TRAK1: variants seen among roughly 807,000 people sequenced by gnomAD.
TRAK1 encodes the protein trafficking kinesin protein 1.
TRAK1 carries 33 observed loss-of-function variants against 92.1 expected under a neutral mutation model. The ratio of observed to expected loss-of-function variants is 0.36; its 90% CI spans 0.27 to 0.48. The LOEUF (loss-of-function observed/expected upper bound fraction) is 0.48, where lower values mean the gene tolerates loss of function less well. TRAK1 is among the 20% of genes least tolerant of loss of function. The pLI is 0.99. For synonymous variants in TRAK1, 521 were observed against 517.3 expected (o/e 1.01, Z -0.10); for missense variants, 1,123 against 1,257.9 (o/e 0.89, Z 1.62).
chr3:42,182,451 C>T (rs1174993240), intron 3 of TRAK1, among the ~76,000 whole-genome samples: 1 of 152,108 alleles, frequency 6.6e-6, no homozygotes, highest in Admixed American at 6.5e-5. Context: ...CGCCACCACA[C>T]CCAGCCAATT....
In TRAK1 at chr3:42,188,048, T is replaced by C. The variant is rs1705157788; in HGVS notation, c.484T>C (p.Ser162Pro). ...TGGGCCTGCTCTGCTTGTGCAGGTG[T>C]CTCAGCTCCGGCATGAGCTGTCCAT... ...EQVEHIREEV[S>P]QLRHELSMKD... The change falls in exon 5 of 16, where the codon TCT becomes CCT. Residue 162 changes from serine (S) to proline (P), a missense_variant. This residue lies in a region of TRAK1 where 686 missense variants were observed against 747.6 expected (regional missense o/e 0.92). Coordinates refer to ENST00000327628, the MANE Select transcript of TRAK1 (RefSeq NM_001042646.3). 1 of 1,613,914 alleles carries C rather than the reference T, an allele frequency of 6.2e-7. No individual in the cohort carries two copies. The highest frequency in any genetic ancestry group is 1.3e-5 in the African/African-American group (1 of 75,038).
intron 1 of TRAK1, among the ~76,000 whole-genome samples, chr3:42,069,179 A>T (rs928928254): frequency 6.6e-6 from 1 of 152,104 alleles, no homozygotes; most frequent in Non-Finnish European, 1.5e-5. Flanking sequence ...ACACACACAC[A>T]CAATTAGCTG....
In TRAK1 at chr3:42,116,256, G is replaced by C. The variant is rs182808811; in HGVS notation, c.92-9164G>C. Among the ~76,000 whole-genome samples, 151 of 152,342 alleles carry C rather than the reference G, an allele frequency of 9.9e-4. 1 individual carries two copies. The highest frequency in any genetic ancestry group is 2.1e-3 in the South Asian group (10 of 4,826). On this transcript the variant is annotated intron_variant, in intron 1 of 15. Transcript: ENST00000327628. ...TCTGTGACATTTGGCCACCTCCTCA[G>C]CTTGAACACAGTGTCCTTTTCCATT...
At chr3:42,218,145 A>C (rs948267927) in intron 14 of TRAK1, 1 of 985,012 alleles carries the variant, frequency 1.0e-6, no homozygotes, top group Non-Finnish European at 1.2e-6. Context: ...TGTACTCTGG[A>C]TTTGTCCTGC....
chr3:42,080,657 T>C (rs953740173), intron 1 of TRAK1, among the ~76,000 whole-genome samples: 2 of 152,178 alleles, frequency 1.3e-5, no homozygotes. Flanking sequence ...ACCTCAGAAA[T>C]GCCTGTTTAC....
chr3:42,145,109 G>A (rs1287858519), intron 2 of TRAK1, among the ~76,000 whole-genome samples: 1 of 152,146 alleles, frequency 6.6e-6, no homozygotes, highest in Non-Finnish European at 1.5e-5. Flanking sequence ...CTCCCCAAAG[G>A]AGCTACTTTA....
intron 4 of TRAK1, among the ~76,000 whole-genome samples, chr3:42,185,478 C>CAT (rs1704664159): frequency 6.6e-6 from 1 of 152,036 alleles, no homozygotes; most frequent in Non-Finnish European, 1.5e-5. Flanking sequence ...AGGAATGATG[C>CAT]TGATTTTCTG....
intron 1 of TRAK1, among the ~76,000 whole-genome samples, chr3:42,026,700 T>C (rs1018939289): frequency 6.6e-6 from 1 of 151,994 alleles, no homozygotes; most frequent in African/African-American, 2.4e-5. Flanking sequence ...AATTTTTGTA[T>C]TTTTAGTAGA....
At chr3:42,045,825 A>G (rs923803597) in intron 1 of TRAK1, among the ~76,000 whole-genome samples, 1 of 152,198 alleles carries the variant, frequency 6.6e-6, no homozygotes, top group Non-Finnish European at 1.5e-5. Context: ...ACCCTTAGCC[A>G]AGACTCTTTT....
At chr3:42,061,357 C>CCA (rs145960725) in intron 1 of TRAK1, among the ~76,000 whole-genome samples, 8,223 of 139,526 alleles carry the variant, frequency 0.059, 316 homozygotes, top group Middle Eastern at 0.17. Context: ...CCACGCACAC[C>CCA]CACACACACA....
At chr3:42,153,099 A>G (rs75023739) in intron 2 of TRAK1, among the ~76,000 whole-genome samples, 1 of 152,184 alleles carries the variant, frequency 6.6e-6, no homozygotes, top group Admixed American at 6.5e-5. Flanking sequence ...AACAAAAAAA[A>G]ATCTTTGAAA....
chr3:42,135,923 A>G (rs1011354887), intron 2 of TRAK1, among the ~76,000 whole-genome samples: 3 of 152,136 alleles, frequency 2.0e-5, no homozygotes, highest in African/African-American at 7.2e-5. Flanking sequence ...TGCCATCCTC[A>G]CACTAGCTGT....
Position 42,202,106 on chromosome 3 carries a change from T to C in TRAK1, c.1428-330T>C, listed in dbSNP as rs1369769566. ...ACATGCCTTAACCCCATTATCCTTC[T>C]GGTAGCCAGGAACAGCAACCTACAG... On this transcript the variant is annotated intron_variant, in intron 12 of 15. Coordinates refer to ENST00000327628, the MANE Select transcript of TRAK1 (RefSeq NM_001042646.3). This position sits in a 1 kb window ranked among gnomAD's most constrained non-coding sequence, Gnocchi z 6.1. 6.6e-6 allele frequency among the ~76,000 whole-genome samples: 1 copy of C among 152,160 alleles called. No individual in the cohort carries two copies. The highest frequency in any genetic ancestry group is 1.5e-5 in the Non-Finnish European group (1 of 68,028).
At chr3:42,106,068 C>T in intron 1 of TRAK1, among the ~76,000 whole-genome samples, 1 of 152,090 alleles carries the variant, frequency 6.6e-6, no homozygotes, top group African/African-American at 2.4e-5. Flanking sequence ...CAAAAACATG[C>T]CAAATTGTAA....
intron 1 of TRAK1, among the ~76,000 whole-genome samples, chr3:42,056,718 A>G (rs971608216): frequency 3.3e-5 from 5 of 152,178 alleles, no homozygotes; most frequent in Non-Finnish European, 7.4e-5. Flanking sequence ...TGCAACATAA[A>G]AGTATGCATT....
At chr3:42,121,033 G>A (rs1283215510) in intron 1 of TRAK1, among the ~76,000 whole-genome samples, 1 of 152,244 alleles carries the variant, frequency 6.6e-6, no homozygotes, top group Non-Finnish European at 1.5e-5. Flanking sequence ...GGTAGCAGGT[G>A]TTGGAGGGGA....
At chr3:42,129,232 T>A (rs1188111029) in intron 2 of TRAK1, among the ~76,000 whole-genome samples, 1 of 152,084 alleles carries the variant, frequency 6.6e-6, no homozygotes, top group Middle Eastern at 3.2e-3. Context: ...ACCAGTATGT[T>A]GTATCAGTTT....
chr3:42,201,390 G>T (rs1010136883), intron 12 of TRAK1, among the ~76,000 whole-genome samples: 5 of 151,966 alleles, frequency 3.3e-5, no homozygotes. Context: ...AACCCGGGAG[G>T]TGGAGGTTGC....
intron 1 of TRAK1, among the ~76,000 whole-genome samples, chr3:42,018,087 C>CAA (rs397989329): frequency 0.06 from 6,830 of 114,174 alleles, 375 homozygotes; most frequent in East Asian, 0.17. Context: ...CTCATTGTTA[C>CAA]AAAAAAAAAA....
Sources: allele counts gnomAD v4.1 joint callset (sites outside exome capture counted in the v4.1 genomes callset), GRCh38; gene constraint gnomAD v4.1.1; regional missense constraint gnomAD v4.1.1; non-coding constraint Gnocchi (gnomAD v3.1); transcripts MANE v1.5; gene names NCBI Gene and HGNC (gene_info 2026-07-23, HGNC 2026-07-21).